The following SVIL variants were observed in gnomAD, a reference collection of about 807,000 sequenced individuals.
The protein encoded by SVIL is supervillin.
Under a neutral mutation model 240.4 loss-of-function variants are expected in SVIL, and 101 were observed. The observed-to-expected ratio is 0.42, with a 90% CI of 0.36 to 0.50. The LOEUF (loss-of-function observed/expected upper bound fraction) is 0.50, where lower values mean the gene tolerates loss of function less well. SVIL is among the 20% of genes least tolerant of loss of function. The pLI, the probability that SVIL is intolerant of heterozygous loss-of-function variation, is 0.01. For synonymous variants in SVIL, 999 were observed against 1,100.0 expected (o/e 0.91, Z 1.82); for missense variants, 2,512 against 2,818.7 (o/e 0.89, Z 2.46).
chr10:29,481,559 T>A, intron 28 of SVIL, 25 bp downstream of exon 28: 1 of 1,612,216 alleles, frequency 6.2e-7, no homozygotes, highest in Non-Finnish European at 8.5e-7. Context: ...AAGCCCCGAG[T>A]TTTGAGGCTT....
chr10:29,693,371 T>A (rs1475335992), intron 1 of SVIL, among the ~76,000 whole-genome samples: 3 of 151,870 alleles, frequency 2.0e-5, no homozygotes, highest in Non-Finnish European at 4.4e-5. Flanking sequence ...AAGAAAACAA[T>A]CTAGAAGGTT....
intron 5 of SVIL, among the ~76,000 whole-genome samples, chr10:29,552,796 T>C (rs969551665): frequency 6.6e-6 from 1 of 152,154 alleles, no homozygotes; most frequent in Non-Finnish European, 1.5e-5. Context: ...AGAAGAGAGA[T>C]ATGCCTCTTC....
rs1323167076 is a variant in SVIL at position 29,457,913 on chromosome 10, G to C, written c.*334C>G. On this transcript the variant is annotated 3_prime_UTR_variant, in exon 38 of 38. Coordinates refer to ENST00000355867, the MANE Select transcript of SVIL (RefSeq NM_021738.3). ...AACTATCAAAATAACACTTTATAAA[G>C]AGAACTGCTTCAAAAAAAAAAAAAA... is the stretch of plus-strand genomic sequence containing the variant. The C allele has an allele frequency of 6.5e-6, 1 of 153,160 alleles. No homozygotes were observed. The highest frequency in any genetic ancestry group is 1.2e-5 in the Non-Finnish European group (1 of 80,538). 9.5% of individuals were successfully genotyped at this position (153,160 alleles called of 1,614,324 possible). A position where few individuals can be genotyped will look rare whatever the true frequency, so the allele number is the denominator to read the frequency against.
intron 1 of SVIL, among the ~76,000 whole-genome samples, chr10:29,624,120 A>G (rs186268215): frequency 9.5e-4 from 144 of 151,846 alleles, no homozygotes; most frequent in African/African-American, 3.3e-3. Context: ...CCCCTTTAAG[A>G]AGAGTAATGA....
chr10:29,487,218 G>A lies in SVIL; in HGVS notation c.4430C>T (p.Pro1477Leu), dbSNP rs1217823778. ...NSGDCFLLLSPHCCFLWVGEF... is the reference protein window; with the variant it reads ...NSGDCFLLLSLHCCFLWVGEF... ...TCCTACCCACAGGAAGCAGCAGTGGGGAGAGAGCAGGAGGAAGCAGTCCCC... is the reference window on the plus strand; with the variant it reads ...TCCTACCCACAGGAAGCAGCAGTGGAGAGAGAGCAGGAGGAAGCAGTCCCC... Residue 1477 changes from proline (P) to leucine (L), a missense_variant, in exon 24 of 38, where the codon CCC (proline) becomes CTC (leucine). By Grantham distance (98) the Pro-to-Leu change is moderately conservative. This residue lies in a region of SVIL where 272 missense variants were observed against 406.8 expected (regional missense o/e 0.67). Transcript: ENST00000355867. 1 of 1,614,104 alleles carries A rather than the reference G, an allele frequency of 6.2e-7. No individual in the cohort carries two copies. The highest frequency in any genetic ancestry group is 2.2e-5 in the East Asian group (1 of 44,862).
chr10:29,620,241 G>A (rs1351658216), intron 1 of SVIL, among the ~76,000 whole-genome samples: 3 of 150,812 alleles, frequency 2.0e-5, no homozygotes, highest in East Asian at 1.9e-4. Flanking sequence ...GAAACAGAAA[G>A]AGAATAAGAG....
At chr10:29,615,534 A>T (rs1957398424) in intron 1 of SVIL, among the ~76,000 whole-genome samples, 1 of 152,244 alleles carries the variant, frequency 6.6e-6, no homozygotes, top group Non-Finnish European at 1.5e-5. Context: ...TCTAAAACAA[A>T]AACACTTAAT....
intron 1 of SVIL, among the ~76,000 whole-genome samples, chr10:29,726,000 C>T (rs560578898): frequency 2.0e-5 from 3 of 152,294 alleles, no homozygotes; most frequent in South Asian, 2.1e-4. Flanking sequence ...TAGCTCACTA[C>T]AGCCTCGACA....
chr10:29,605,034 C>T (rs930617376), intron 1 of SVIL, among the ~76,000 whole-genome samples: 2 of 152,152 alleles, frequency 1.3e-5, no homozygotes, highest in Admixed American at 1.3e-4. Context: ...TCTTGTTTGT[C>T]CTTATGGAGT....
upstream of SVIL, among the ~76,000 whole-genome samples, chr10:29,635,636 A>G (rs1185828064): frequency 1.3e-5 from 2 of 152,226 alleles, no homozygotes; most frequent in Non-Finnish European, 2.9e-5. Flanking sequence ...ACTATGAAGC[A>G]CAACCACTTC....
At chr10:29,517,777 T>A (rs892704333) in intron 16 of SVIL, among the ~76,000 whole-genome samples, 6 of 152,198 alleles carry the variant, frequency 3.9e-5, no homozygotes, top group Admixed American at 2.0e-4. Context: ...ATGGCTCTTT[T>A]TTTCTTTTCA....
At chr10:29,498,120 A>G (rs1424663601) in intron 18 of SVIL, among the ~76,000 whole-genome samples, 2 of 148,238 alleles carry the variant, frequency 1.3e-5, no homozygotes, top group Non-Finnish European at 3.0e-5. Flanking sequence ...AAAAAAAAGA[A>G]AAAAGTAATT....
intron 1 of SVIL, among the ~76,000 whole-genome samples, chr10:29,707,204 C>T (rs1450783111): frequency 6.6e-6 from 1 of 152,192 alleles, no homozygotes; most frequent in Non-Finnish European, 1.5e-5. Context: ...ATGGGAATAG[C>T]ATTGAATCTA....
At chr10:29,503,779 A>G (rs917486348) in intron 17 of SVIL, among the ~76,000 whole-genome samples, 2 of 152,226 alleles carry the variant, frequency 1.3e-5, no homozygotes, top group African/African-American at 4.8e-5. Flanking sequence ...AGGTTTTCCC[A>G]ACTTGAGCTG....
chr10:29,686,579 T>C (rs915201362), exon 2 of SVIL: 3 of 152,182 alleles, frequency 2.0e-5, no homozygotes, highest in Non-Finnish European at 4.4e-5. Context: ...CAAAACTCAG[T>C]GAGAATCCAC....
intron 1 of SVIL, among the ~76,000 whole-genome samples, chr10:29,581,996 T>C (rs1393862971): frequency 6.6e-6 from 1 of 152,152 alleles, no homozygotes; most frequent in Admixed American, 6.5e-5. Context: ...CCCACTTATA[T>C]GAGGTTTCTA....
rs759296681 is a variant in SVIL at position 29,474,037 on chromosome 10, G to A, written c.5378-48C>T. On this transcript the variant is annotated intron_variant, in intron 29 of 37. Coordinates refer to ENST00000355867, the MANE Select transcript of SVIL (RefSeq NM_021738.3). ...GGACAGGTCAGCAGCTGAGACACCC[G>A]AGGAGAAGCAAATGTCTGGCTCACT... The A allele has an allele frequency of 2.4e-5, 38 of 1,594,082 alleles. 1 individual carries two copies. The South Asian group carries it at 2.8e-4, about 12-fold the overall frequency.
At chr10:29,493,453 C>T in intron 20 of SVIL, 62 bp from the exon 21 acceptor site, 1 of 1,562,154 alleles carries the variant, frequency 6.4e-7, no homozygotes, top group Non-Finnish European at 8.8e-7. Context: ...AATTATGCTT[C>T]ACAATAGTTT....
intron 1 of SVIL, among the ~76,000 whole-genome samples, chr10:29,605,536 TC>T (rs1251413008): frequency 6.6e-6 from 1 of 152,118 alleles, no homozygotes; most frequent in Non-Finnish European, 1.5e-5. Flanking sequence ...AGCTGTCTGT[TC>T]AGATCTTTTG....
Sources: gnomAD v4.1 joint callset for allele counts (sites outside exome capture counted in the v4.1 genomes callset) on GRCh38, gnomAD v4.1.1 for gene constraint, gnomAD v4.1.1 regional missense constraint, MANE v1.5 for transcripts, NCBI Gene and HGNC (gene_info 2026-07-23, HGNC 2026-07-21) for gene names.